The following PPA2 variants were observed in gnomAD, a reference collection of about 807,000 sequenced individuals.
PPA2 encodes inorganic pyrophosphatase 2, mitochondrial.
In PPA2, 48 loss-of-function variants were observed where a neutral mutation model predicts 49.5. The ratio of observed to expected loss-of-function variants is 0.97; its 90% CI spans 0.77 to 1.23. The LOEUF (loss-of-function observed/expected upper bound fraction) is 1.23. Among genes scored for constraint, PPA2 ranks in the 50% most tolerant of loss-of-function variants. PPA2 has a pLI of 0.00. For missense variants in PPA2, 429 were observed against 410.1 expected, an observed-to-expected ratio of 1.05 and a Z score of -0.40; for synonymous variants, 131 against 139.9, an observed-to-expected ratio of 0.94 and a Z score of 0.45.
chr4:105,453,722 T>A, intron 2 of PPA2, 80 bp from the exon 3 acceptor site: 1 of 1,098,950 alleles, frequency 9.1e-7, no homozygotes, highest in African/African-American at 1.6e-5. Context: ...AAAATATGAC[T>A]ATTGTATAGA....
At chr4:105,390,889 T>C (rs888303097) in intron 9 of PPA2, among the ~76,000 whole-genome samples, 3 of 152,222 alleles carry the variant, frequency 2.0e-5, no homozygotes, top group African/African-American at 7.2e-5. Flanking sequence ...TGCACACGTA[T>C]GTTTATTGCA....
chr4:105,400,483 A>C (rs927741774), intron 7 of PPA2, among the ~76,000 whole-genome samples: 1 of 152,114 alleles, frequency 6.6e-6, no homozygotes, highest in Non-Finnish European at 1.5e-5. Flanking sequence ...TACAAAAAAA[A>C]TTAGCTGGAC....
At chr4:105,425,631 G>T (rs575221452) in intron 6 of PPA2, among the ~76,000 whole-genome samples, 1 of 151,712 alleles carries the variant, frequency 6.6e-6, no homozygotes. Flanking sequence ...GGAAAGAGGA[G>T]GCCAAAAAAT....
intron 1 of PPA2, chr4:105,473,547 C>CCGGGCCGGCTAATGGCTG: frequency 1.9e-6 from 1 of 518,770 alleles, no homozygotes. Flanking sequence ...GGAACGGCGG[C>CCGGGCCGGCTAATGGCTG]CGGGCCGGCT....
chr4:105,447,948 GT>G (rs1382043340), intron 4 of PPA2: 3 of 209,276 alleles, frequency 1.4e-5, no homozygotes, highest in African/African-American at 2.4e-5. Flanking sequence ...GTTTTGCCAT[GT>G]TGGCCAGGCT....
chr4:105,418,559 G>A (rs146733780), intron 7 of PPA2, among the ~76,000 whole-genome samples: 4 of 151,954 alleles, frequency 2.6e-5, no homozygotes, highest in Admixed American at 2.0e-4. Flanking sequence ...ATGTCAGAAC[G>A]GTCTCATTTT....
chr4:105,414,892 A>C (rs1457383257), intron 7 of PPA2, among the ~76,000 whole-genome samples: 2 of 152,214 alleles, frequency 1.3e-5, no homozygotes, highest in African/African-American at 4.8e-5. Flanking sequence ...TACAGCTCGC[A>C]GAAGATCAGA....
intron 6 of PPA2, among the ~76,000 whole-genome samples, chr4:105,431,669 G>A (rs1298956448): frequency 3.9e-5 from 6 of 152,130 alleles, no homozygotes; most frequent in Admixed American, 3.9e-4. Flanking sequence ...CCAAGTGGTA[G>A]AAACAAGCCA....
chr4:105,456,934 A>G (rs1469319524), intron 1 of PPA2, among the ~76,000 whole-genome samples, 189 bp from the exon 2 acceptor site: 4 of 152,238 alleles, frequency 2.6e-5, no homozygotes, highest in African/African-American at 9.6e-5. Context: ...AAAGAAATAT[A>G]TACCGGCTAA....
chr4:105,437,933 C>T lies in PPA2; in HGVS notation c.528+17G>A, dbSNP rs770680674. The T allele has an allele frequency of 3.2e-6, 5 of 1,569,840 alleles. No individual in the cohort carries two copies. The highest frequency in any genetic ancestry group is 2.4e-5 in the South Asian group (2 of 84,154). The stretch of plus-strand genomic sequence containing the variant: ...ACCAAAACTCACGTTAGAATTAATA[C>T]AGTCTATAAAACAAACCTTTGAGCC... On this transcript the variant is annotated intron_variant, in intron 6 of 11. Transcript: ENST00000341695.
At chr4:105,449,328 T>C (rs769043852) in intron 4 of PPA2, 22 bp downstream of exon 4, 3 of 1,461,408 alleles carry the variant, frequency 2.1e-6, no homozygotes, top group Admixed American at 3.9e-5. Context: ...TTCGGTTTCA[T>C]ATTAATAAAG....
At chr4:105,385,454 A>C (rs996723040) in intron 10 of PPA2, among the ~76,000 whole-genome samples, 1 of 152,102 alleles carries the variant, frequency 6.6e-6, no homozygotes, top group East Asian at 1.9e-4. Flanking sequence ...AAACAAACAA[A>C]AAAAACAATA....
intron 9 of PPA2, among the ~76,000 whole-genome samples, chr4:105,396,028 T>G (rs1454327226): frequency 6.6e-6 from 1 of 152,186 alleles, no homozygotes; most frequent in African/African-American, 2.4e-5. Flanking sequence ...AAATGTCCAT[T>G]TATTTATCAG....
At chr4:105,473,037 G>C (rs915813659) in intron 1 of PPA2, among the ~76,000 whole-genome samples, 1 of 152,184 alleles carries the variant, frequency 6.6e-6, no homozygotes, top group South Asian at 2.1e-4. Context: ...CCGAAAAGGG[G>C]AGCGATAATG....
At chr4:105,463,903 T>C (rs1578888246) in intron 1 of PPA2, among the ~76,000 whole-genome samples, 2 of 152,178 alleles carry the variant, frequency 1.3e-5, no homozygotes, top group East Asian at 1.9e-4. Flanking sequence ...TTTGCTGCAG[T>C]GGCAGGGCCC....
chr4:105,450,125 A>T (rs1722603601), intron 3 of PPA2, among the ~76,000 whole-genome samples: 1 of 152,140 alleles, frequency 6.6e-6, no homozygotes, highest in African/African-American at 2.4e-5. Context: ...AATTCCCTAC[A>T]GTTTGCCTTA....
intron 8 of PPA2, chr4:105,398,820 A>G (rs1365057459): frequency 7.3e-6 from 3 of 408,222 alleles, no homozygotes; most frequent in South Asian, 4.6e-5. Flanking sequence ...CTATAGACAC[A>G]TAGATGGAAA....
At chr4:105,431,688 T>C (rs552687272) in intron 6 of PPA2, among the ~76,000 whole-genome samples, 1 of 152,088 alleles carries the variant, frequency 6.6e-6, no homozygotes, top group Non-Finnish European at 1.5e-5. Context: ...CAAATGCCCA[T>C]CAACTAATGA....
chr4:105,466,902 T>C (rs1294108727), intron 1 of PPA2, among the ~76,000 whole-genome samples: 1 of 152,190 alleles, frequency 6.6e-6, no homozygotes, highest in African/African-American at 2.4e-5. Context: ...ACCAGTCGAA[T>C]GTCCCTAGGA....
Sources: gnomAD v4.1 joint callset for allele counts (sites outside exome capture counted in the v4.1 genomes callset) on GRCh38, gnomAD v4.1.1 for gene constraint, MANE v1.5 for transcripts, NCBI Gene and HGNC (gene_info 2026-07-23, HGNC 2026-07-21) for gene names.